SULF2: variants seen among roughly 807,000 people sequenced by gnomAD.
SULF2 encodes the protein extracellular sulfatase Sulf-2.
Under a neutral mutation model 107.7 loss-of-function variants are expected in SULF2, and 52 were observed. The observed-to-expected ratio is 0.48, with a 90% confidence interval of 0.39 to 0.61. SULF2 has a LOEUF of 0.61. Among genes scored for constraint, SULF2 ranks in the 20% least tolerant of loss-of-function variants. The probability of loss-of-function intolerance (pLI) is 0.00; values close to 1 mark genes in which losing one functional copy is unlikely to be tolerated. For missense variants in SULF2, 993 were observed against 1,177.3 expected, an observed-to-expected ratio of 0.84 and a Z score of 2.29; for synonymous variants, 460 against 464.3, an observed-to-expected ratio of 0.99 and a Z score of 0.12.
chr20:47,755,708 A>T (rs2090265306), intron 2 of SULF2, among the ~76,000 whole-genome samples: 1 of 152,130 alleles, frequency 6.6e-6, no homozygotes, highest in Non-Finnish European at 1.5e-5. Flanking sequence ...AATTTCATCA[A>T]AAGAGCTGGG....
intron 4 of SULF2, among the ~76,000 whole-genome samples, chr20:47,700,330 T>TG (rs2088519809): frequency 6.6e-6 from 1 of 152,216 alleles, no homozygotes; most frequent in African/African-American, 2.4e-5. Context: ...AACGGCAGAC[T>TG]TCTGCAGTGG....
intron 3 of SULF2, among the ~76,000 whole-genome samples, chr20:47,727,813 A>G (rs1215811706): frequency 1.3e-5 from 2 of 152,242 alleles, no homozygotes; most frequent in East Asian, 3.9e-4. Flanking sequence ...CAAGGTCACA[A>G]GGGCGCTTAA....
chr20:47,698,888 G>A (rs925966066), intron 4 of SULF2, among the ~76,000 whole-genome samples: 2 of 152,064 alleles, frequency 1.3e-5, no homozygotes, highest in Admixed American at 1.3e-4. Flanking sequence ...AAAATTAGCT[G>A]GGCGTGGTGG....
At chr20:47,662,712 C>T (rs374433195) in intron 17 of SULF2, among the ~76,000 whole-genome samples, 1 of 152,216 alleles carries the variant, frequency 6.6e-6, no homozygotes, top group Non-Finnish European at 1.5e-5. Context: ...ATTAGCTGCG[C>T]GGTCCGTGTA....
intron 3 of SULF2, among the ~76,000 whole-genome samples, chr20:47,713,627 G>C (rs2089007076): frequency 6.6e-6 from 1 of 152,196 alleles, no homozygotes; most frequent in African/African-American, 2.4e-5. Flanking sequence ...GCTCATGCCT[G>C]TAATCCAAGC....
chr20:47,754,735 C>A (rs1171214788), intron 2 of SULF2, among the ~76,000 whole-genome samples: 1 of 152,218 alleles, frequency 6.6e-6, no homozygotes, highest in Non-Finnish European at 1.5e-5. Flanking sequence ...GAAAAACTAA[C>A]AAACGCACAC....
At chr20:47,738,715 G>A (rs1400305533) in intron 2 of SULF2, among the ~76,000 whole-genome samples, 1 of 152,176 alleles carries the variant, frequency 6.6e-6, no homozygotes, top group African/African-American at 2.4e-5. Context: ...TGTAAGATGT[G>A]CCTTTCACCT....
At position 47,672,235 on chromosome 20, in the gene SULF2, G is replaced by A. The variant is rs377149114; in HGVS notation, c.1539C>T (p.Leu513=). The change falls in exon 11 of 21, where the codon CTC becomes CTT. Residue 513 remains leucine (L), a synonymous_variant. Coordinates refer to ENST00000688720, the MANE Select transcript of SULF2 (RefSeq NM_001387048.1). ...GTTTTTTCCGGCGTCCGGCCAGGCT[G>A]AGCTTGTAGTCCCCGCTGTCACAGG... ...ACTCDSGDYK[L]SLAGRRKKLF... The A allele has an allele frequency of 2.2e-5, 36 of 1,612,244 alleles. No individual in the cohort carries two copies. Among genetic ancestry groups the A allele is most frequent in the Non-Finnish European group, 2.7e-5 (32 of 1,178,666 alleles).
In SULF2 at chr20:47,672,625, C is replaced by T. The variant is rs1036921330; in HGVS notation, c.1381-232G>A. The stretch of plus-strand genomic sequence containing the variant: ...ATGCCTCCGACAGCCACCACTCTCA[C>T]GGTTACCTGCTTCTGTCTGCTCCTA... On this transcript the variant is annotated intron_variant, in intron 10 of 20. Transcript: ENST00000688720. 5.1e-5 allele frequency: 44 copies of T among 868,666 alleles called. No individual in the cohort carries two copies. The South Asian group carries it at 7.9e-4, about 16-fold the overall frequency. The allele number at this position is 868,666 out of a possible 1,614,324, so 53.8% of individuals were successfully genotyped here.
chr20:47,724,221 A>AT (rs974086061), intron 3 of SULF2, among the ~76,000 whole-genome samples: 10 of 152,214 alleles, frequency 6.6e-5, no homozygotes, highest in African/African-American at 2.4e-4. Flanking sequence ...CAGGTTTACA[A>AT]TTTTTAAAAG....
At position 47,775,047 on chromosome 20, in the gene SULF2, G is replaced by C. The variant is rs2090700201; in HGVS notation, c.-101+10296C>G. On this transcript the variant is annotated intron_variant, in intron 1 of 20. Coordinates refer to ENST00000688720, the MANE Select transcript of SULF2 (RefSeq NM_001387048.1). ...TCCAGCTTGAGGTAGTAAGTGTTGG[G>C]CTCTGCTACTTGCAGTCTGTGATGA... Among the ~76,000 whole-genome samples the C allele has an allele frequency of 2.6e-5, 4 of 152,076 alleles. No individual in the cohort carries two copies. The South Asian group carries it at 8.3e-4, about 31-fold the overall frequency.
chr20:47,684,377 C>A, intron 6 of SULF2, 54 bp downstream of exon 6: 3 of 1,537,620 alleles, frequency 2.0e-6, no homozygotes, highest in Non-Finnish European at 2.6e-6. Context: ...TCGGCCCTGG[C>A]CTGGCTGGGG....
chr20:47,681,629 G>C (rs1261351843), intron 7 of SULF2, among the ~76,000 whole-genome samples: 2 of 152,174 alleles, frequency 1.3e-5, no homozygotes, highest in Non-Finnish European at 2.9e-5. Flanking sequence ...CAGTGGCCTT[G>C]GGTGTAAAAT....
At chr20:47,717,958 G>A in intron 3 of SULF2, among the ~76,000 whole-genome samples, 1 of 152,050 alleles carries the variant, frequency 6.6e-6, no homozygotes, top group Non-Finnish European at 1.5e-5. Flanking sequence ...GGGATTACAG[G>A]CATGCGCCAC....
In SULF2 at chr20:47,666,109, T is replaced by C. The variant is rs780076456; in HGVS notation, c.1805+151A>G. ...TCACCGATGTGTCACTTTAATGGGG[T>C]TGGCGGCTGAATAGTCGGGAAGGCC... is the stretch of plus-strand genomic sequence containing the variant. On this transcript the variant is annotated intron_variant, in intron 12 of 20. Transcript: ENST00000688720. This position sits in a 1 kb window ranked among gnomAD's most constrained non-coding sequence, Gnocchi z 5.4. 6.2e-6 allele frequency: 10 copies of C among 1,612,150 alleles called. No individual in the cohort carries two copies. The Admixed American group carries it at 6.7e-5, about 11-fold the overall frequency.
At chr20:47,782,647 G>C (rs1056652814) in intron 1 of SULF2, among the ~76,000 whole-genome samples, 12 of 152,092 alleles carry the variant, frequency 7.9e-5, no homozygotes, top group African/African-American at 2.7e-4. Flanking sequence ...GCTCTGAGTG[G>C]GCTGAAATCT....
intron 11 of SULF2, among the ~76,000 whole-genome samples, chr20:47,670,957 G>A (rs2087449825): frequency 6.6e-6 from 1 of 152,052 alleles, no homozygotes; most frequent in Admixed American, 6.5e-5. Flanking sequence ...GGCTACGTGG[G>A]AAGCTGCCCA....
chr20:47,683,503 C>T (rs149993582), intron 6 of SULF2, among the ~76,000 whole-genome samples: 7 of 152,386 alleles, frequency 4.6e-5, no homozygotes, highest in African/African-American at 1.4e-4. Flanking sequence ...CCCACGTACA[C>T]TGGCACTCAA....
intron 18 of SULF2, 95 bp downstream of exon 18, chr20:47,661,678 A>G (rs2087073178): frequency 7.8e-7 from 1 of 1,285,426 alleles, no homozygotes; most frequent in Non-Finnish European, 1.0e-6. Context: ...AAGCCTGGTG[A>G]TTTCAGGCTC....
Sources: allele counts gnomAD v4.1 joint callset (sites outside exome capture counted in the v4.1 genomes callset), GRCh38; gene constraint gnomAD v4.1.1; non-coding constraint Gnocchi (gnomAD v3.1); transcripts MANE v1.5; gene names NCBI Gene and HGNC (gene_info 2026-07-23, HGNC 2026-07-21).